CFAP47: variants seen among roughly 807,000 people sequenced by gnomAD.
The protein encoded by CFAP47 is cilia and flagella associated protein 47, also known as cilia- and flagella-associated protein 47.
A neutral mutation model predicts 148.1 loss-of-function variants in CFAP47; 29 were observed. The ratio of observed to expected loss-of-function variants is 0.20; its 90% CI spans 0.15 to 0.27. The LOEUF is 0.27. Ranked by LOEUF, CFAP47 falls within the 10% of genes least tolerant of loss-of-function variation. The pLI, the probability that CFAP47 is intolerant of heterozygous loss-of-function variation, is 1.00. For synonymous variants in CFAP47, 664 were observed against 577.3 expected (o/e 1.15, Z -2.15); for missense variants, 1,872 against 1,697.5 (o/e 1.10, Z -1.81).
chrX:36,020,599 T>A (rs1377809357), intron 22 of CFAP47, among the ~76,000 whole-genome samples: 2 of 112,095 alleles, frequency 1.8e-5, no homozygotes, highest in African/African-American at 6.5e-5. Flanking sequence ...ACCTTCTTTG[T>A]CTCTTCTTAT....
chrX:36,153,443 G>A (rs1399536221), intron 37 of CFAP47, among the ~76,000 whole-genome samples: 2 of 112,109 alleles, frequency 1.8e-5, no homozygotes, highest in East Asian at 5.7e-4. Context: ...GTTCTCTGCA[G>A]TAGCCTCACC....
intron 44 of CFAP47, among the ~76,000 whole-genome samples, 199 bp from the exon 45 acceptor site, chrX:36,204,758 A>G (rs1050885716): frequency 3.6e-5 from 4 of 111,291 alleles, no homozygotes; most frequent in African/African-American, 1.3e-4. Context: ...TCATCTCTCA[A>G]TAAAAGAGGA....
intron 36 of CFAP47, among the ~76,000 whole-genome samples, chrX:36,146,778 C>CTT (rs568139660): frequency 4.6e-4 from 40 of 87,760 alleles, no homozygotes; most frequent in African/African-American, 1.3e-3. Context: ...TATTTCTTTT[C>CTT]TTTTTTTTTT....
At chrX:35,936,814 C>T (rs900200367) in intron 2 of CFAP47, among the ~76,000 whole-genome samples, 5 of 110,408 alleles carry the variant, frequency 4.5e-5, no homozygotes, top group African/African-American at 1.7e-4. Context: ...GCTGGTGCTT[C>T]CTGAAGGAGT....
At chrX:36,276,152 G>A (rs1941014955) in intron 49 of CFAP47, among the ~76,000 whole-genome samples, 2 of 110,503 alleles carry the variant, frequency 1.8e-5, no homozygotes, top group Admixed American at 9.7e-5. Flanking sequence ...TATTTCAACA[G>A]CATCTTTGTA....
chrX:36,020,644 A>C (rs757594139), intron 22 of CFAP47, among the ~76,000 whole-genome samples: 1 of 111,811 alleles, frequency 8.9e-6, no homozygotes, highest in Admixed American at 9.5e-5. Flanking sequence ...GTCTGATAAA[A>C]GTGTAGCTAC....
chrX:36,274,963 G>C (rs999806114), intron 49 of CFAP47, among the ~76,000 whole-genome samples: 14 of 111,763 alleles, frequency 1.3e-4, no homozygotes, highest in Admixed American at 1.9e-4. Context: ...TGTTACGTGT[G>C]AGTTTATCCT....
chrX:36,132,110 A>AT (rs1327169096), intron 33 of CFAP47, among the ~76,000 whole-genome samples: 1 of 111,405 alleles, frequency 9.0e-6, no homozygotes, highest in Non-Finnish European at 1.9e-5. Flanking sequence ...AAATTGACTA[A>AT]TTTTTTCTAA....
At chrX:36,297,695 C>T (rs1163794059) in intron 51 of CFAP47, among the ~76,000 whole-genome samples, 3 of 111,281 alleles carry the variant, frequency 2.7e-5, no homozygotes, top group East Asian at 2.8e-4. Flanking sequence ...AAGGACAGGA[C>T]GAACAAGAAC....
intron 27 of CFAP47, among the ~76,000 whole-genome samples, chrX:36,067,574 T>A (rs978020633): frequency 9.0e-6 from 1 of 111,422 alleles, no homozygotes; most frequent in African/African-American, 3.3e-5. Flanking sequence ...TTTCCAGGGT[T>A]GTTGCAGGGG....
At chrX:36,230,976 G>A (rs187525158) in intron 46 of CFAP47, among the ~76,000 whole-genome samples, 1 of 104,629 alleles carries the variant, frequency 9.6e-6, no homozygotes, top group East Asian at 3.0e-4. Context: ...CAATATCTCT[G>A]TTTTGGTACC....
At chrX:36,329,199 T>A (rs1941544333) in intron 57 of CFAP47, among the ~76,000 whole-genome samples, 1 of 111,641 alleles carries the variant, frequency 9.0e-6, no homozygotes, top group Non-Finnish European at 1.9e-5. Flanking sequence ...AAGATTATCA[T>A]CACTGGTAAT....
chrX:36,007,938 C>G (rs771967851), intron 21 of CFAP47, among the ~76,000 whole-genome samples: 1 of 111,411 alleles, frequency 9.0e-6, no homozygotes, highest in African/African-American at 3.3e-5. Flanking sequence ...TAATTACCAA[C>G]AGTCATTATC....
At chrX:35,945,461 A>G (rs1473955607) in intron 3 of CFAP47, among the ~76,000 whole-genome samples, 3 of 110,760 alleles carry the variant, frequency 2.7e-5, no homozygotes, top group African/African-American at 6.6e-5. Flanking sequence ...GATCTATACA[A>G]TCCTTTGGGT....
chrX:36,337,936 T>C (rs1941620498), intron 57 of CFAP47, among the ~76,000 whole-genome samples: 1 of 96,329 alleles, frequency 1.0e-5, no homozygotes, highest in Admixed American at 1.1e-4. Flanking sequence ...TGGCGCGATC[T>C]CGGCTCACTG....
chrX:35,971,744 C>T lies in CFAP47; in HGVS notation c.2129C>T (p.Ser710Phe). 1 of 1,209,991 alleles carries T rather than the reference C, an allele frequency of 8.3e-7. No individual in the cohort carries two copies. The highest frequency in any genetic ancestry group is 1.1e-6 in the Non-Finnish European group (1 of 894,671). ...NRLLTTRGIA[S>F]QEEESVRRKV... ...TTGTTAACCACCAGGGGTATAGCAT[C>T]TCAGGAGGAAGAGTCTGTGAGAAGA... is the stretch of plus-strand genomic sequence containing the variant. Residue 710 changes from serine to phenylalanine, a missense_variant, in exon 12 of 64, where the codon TCT becomes TTT. Transcript: ENST00000378653.
chrX:36,252,656 G>A (rs979354091), intron 49 of CFAP47, among the ~76,000 whole-genome samples: 1 of 111,311 alleles, frequency 9.0e-6, no homozygotes, highest in Non-Finnish European at 1.9e-5. Flanking sequence ...TATTTTTTAG[G>A]TAATCCATAA....
Position 35,956,052 on chromosome X carries a change from A to C in CFAP47, c.1266A>C (p.Lys422Asn), listed in dbSNP as rs766123614. 1 of 1,211,561 alleles carries C rather than the reference A, an allele frequency of 8.3e-7. No homozygotes were observed. The highest frequency in any genetic ancestry group is 2.2e-5 in the Admixed American group (1 of 45,999). The change falls in exon 8 of 64, where the codon AAA becomes AAC. Residue 422 changes from lysine to asparagine, a missense_variant. Physicochemically the swap from Lys to Asn is moderately conservative, Grantham distance 94. Transcript: ENST00000378653. Reference sequence around the variant, plus strand: ...ATCCAGGACCAGTTCTTAATTTTAAACCTTGTTTCATGGGTGAACGTTCAG... The same window carrying C: ...ATCCAGGACCAGTTCTTAATTTTAACCCTTGTTTCATGGGTGAACGTTCAG... Reference protein sequence around the residue: ...QFDPGPVLNFKPCFMGERSEI... With the variant: ...QFDPGPVLNFNPCFMGERSEI...
chrX:36,216,430 C>T, intron 45 of CFAP47, among the ~76,000 whole-genome samples: 2 of 111,449 alleles, frequency 1.8e-5, no homozygotes, highest in South Asian at 7.7e-4. Flanking sequence ...TACTTGCAGT[C>T]TAATGAGTAC....
Sources: gnomAD v4.1 joint callset for allele counts (sites outside exome capture counted in the v4.1 genomes callset) on GRCh38, gnomAD v4.1.1 for gene constraint, MANE v1.5 for transcripts, NCBI Gene and HGNC (gene_info 2026-07-23, HGNC 2026-07-21) for gene names.